FBN3: variants seen among roughly 807,000 people sequenced by gnomAD.
FBN3 encodes fibrillin-3.
Under a neutral mutation model 330.1 loss-of-function variants are expected in FBN3, and 234 were observed. The observed-to-expected ratio is 0.71, with a 90% CI of 0.64 to 0.79. The LOEUF (loss-of-function observed/expected upper bound fraction) is 0.79, where lower values mean the gene tolerates loss of function less well. Ranked by LOEUF, FBN3 falls within the 30% of genes least tolerant of loss-of-function variation. The pLI is 0.00. For missense variants in FBN3, 3,606 were observed against 3,886.9 expected (o/e 0.93, Z 1.92); for synonymous variants, 1,458 against 1,517.3 (o/e 0.96, Z 0.91).
intron 57 of FBN3, among the ~76,000 whole-genome samples, chr19:8,082,251 G>T (rs185344342): frequency 6.6e-6 from 1 of 151,812 alleles, no homozygotes; most frequent in Non-Finnish European, 1.5e-5. Flanking sequence ...GATTACAGGC[G>T]TGAGCCACCT....
rs534445123 is a variant in FBN3 at position 8,131,793 on chromosome 19, T to C, written c.1751A>G (p.Asn584Ser). Residue 584 changes from asparagine (N) to serine (S), a missense_variant, in exon 15 of 64, where the codon AAC (asparagine) becomes AGC (serine). By Grantham distance (46) the Asn-to-Ser change is conservative (BLOSUM62 1). Transcript: ENST00000600128. This position sits in a 1 kb window ranked among gnomAD's most constrained non-coding sequence, Gnocchi z 4.5. Reference sequence around the variant, plus strand: ...GCCCTCGGTGTTGGTACAGTGGCCGTTCACGCAGATGCCGGGCGTCTGGCA... The same window carrying C: ...GCCCTCGGTGTTGGTACAGTGGCCGCTCACGCAGATGCCGGGCGTCTGGCA... ...DECQTPGICV[N>S]GHCTNTEGSF... 6.2e-7 allele frequency: 1 copy of C among 1,606,402 alleles called. No homozygotes were observed. The highest frequency in any genetic ancestry group is 1.7e-5 in the Admixed American group (1 of 59,710).
chr19:8,135,936 G>GGGGGGGGGGGGGGGGGGGGGGGCCCCCCC, intron 13 of FBN3, 25 bp downstream of exon 13: 4 of 668,774 alleles, frequency 6.0e-6, no homozygotes, highest in Non-Finnish European at 9.6e-6. Flanking sequence ...GGAAGCCCCT[G>GGGGGGGGGGGGGGGGGGGGGGGCCCCCCC]CCCACCCGCC....
intron 18 of FBN3, among the ~76,000 whole-genome samples, chr19:8,128,457 G>A (rs2083046764): frequency 6.6e-6 from 1 of 151,986 alleles, no homozygotes; most frequent in Non-Finnish European, 1.5e-5. Context: ...CCAGCTACTT[G>A]GGAGGCTGAG....
chr19:8,082,578 C>T (rs2081829031), intron 57 of FBN3, among the ~76,000 whole-genome samples: 1 of 151,846 alleles, frequency 6.6e-6, no homozygotes, highest in African/African-American at 2.4e-5. Flanking sequence ...ACTACAACCT[C>T]CACTTCCTGG....
At position 8,085,332 on chromosome 19, in the gene FBN3, C is replaced by A. The variant is rs890954274; in HGVS notation, c.7087+31G>T. 4 of 1,542,474 alleles carry A rather than the reference C, an allele frequency of 2.6e-6. No individual in the cohort carries two copies. In the African/African-American group the frequency reaches 5.5e-5, roughly 21 times the overall value. ...GAGCAAACTCCCCCGTTTCTTGCCT[C>A]CCTGGGGGTCCTGAGGGCATGGGCA... On this transcript the variant is annotated intron_variant, in intron 56 of 63. Transcript: ENST00000600128.
At position 8,131,760 on chromosome 19, in the gene FBN3, C is replaced by T. The variant is rs199628711; in HGVS notation, c.1784G>A (p.Arg595His). The change falls in exon 15 of 64, where the codon CGC becomes CAC. Residue 595 changes from arginine (R) to histidine (H), a missense_variant. Coordinates refer to ENST00000600128, the MANE Select transcript of FBN3 (RefSeq NM_032447.5). This position sits in a 1 kb window ranked among gnomAD's most constrained non-coding sequence, Gnocchi z 4.5. ...GHCTNTEGSFRCQCLGGLAVG... is the reference protein window; with the variant it reads ...GHCTNTEGSFHCQCLGGLAVG... ...CGCCAGCCCCCCCAGGCACTGGCAG[C>T]GGAAGGAGCCCTCGGTGTTGGTACA... 1,242 of 1,612,894 alleles carry T rather than the reference C, an allele frequency of 7.7e-4. 2 individuals are homozygous for T. Among genetic ancestry groups the T allele is most frequent in the Non-Finnish European group, 1.0e-3 (1,179 of 1,179,552 alleles).
At position 8,131,587 on chromosome 19, in the gene FBN3, C is replaced by A; in HGVS notation, c.1957G>T (p.Glu653Ter). ...TTGGCAGGACAAAGCTGGCAGGGCT[C>A]CCCAAAACCGTGGTCCGGATTGGCA... is the stretch of plus-strand genomic sequence containing the variant. The part of the protein sequence containing the change: ...CCANPDHGFG[E>*]PCQLCPAKDS... Residue 653 changes from glutamate (E) to a stop codon, truncating the protein, a stop_gained, in exon 15 of 64, where the codon GAG (glutamate) becomes TAG (stop). Coordinates refer to ENST00000600128, the MANE Select transcript of FBN3 (RefSeq NM_032447.5). LOFTEE classifies it high-confidence loss of function. This position sits in a 1 kb window ranked among gnomAD's most constrained non-coding sequence, Gnocchi z 4.5. 6.2e-7 allele frequency: 1 copy of A among 1,612,798 alleles called. No homozygotes were observed. Among genetic ancestry groups the A allele is most frequent in the Non-Finnish European group, 8.5e-7 (1 of 1,179,146 alleles).
At chr19:8,080,778 C>T (rs1309066846) in intron 59 of FBN3, among the ~76,000 whole-genome samples, 3 of 152,098 alleles carry the variant, frequency 2.0e-5, no homozygotes, top group African/African-American at 7.2e-5. Flanking sequence ...TGCCACCATG[C>T]CAGGCTAATT....
Position 8,121,164 on chromosome 19 carries a change from A to C in FBN3, c.3211+94T>G, listed in dbSNP as rs887390274. 87 of 1,226,482 alleles carry C rather than the reference A, an allele frequency of 7.1e-5. No homozygotes were observed. The highest frequency in any genetic ancestry group is 3.5e-4 in the Admixed American group (15 of 43,148). 76.0% of individuals were successfully genotyped at this position (1,226,482 alleles called of 1,614,324 possible). A position where few individuals can be genotyped will look rare whatever the true frequency, so the allele number is the denominator to read the frequency against. On this transcript the variant is annotated intron_variant, in intron 25 of 63. Coordinates refer to ENST00000600128, the MANE Select transcript of FBN3 (RefSeq NM_032447.5). The surrounding 1 kb of genome is among the most constrained non-coding windows in gnomAD (Gnocchi z 4.5). ...CTCCCTCCTCCTGCCCCCTCCATCC[A>C]CGTCCACACAGCAACAGCCGTCCCC...
chr19:8,109,661 C>G lies in FBN3; in HGVS notation c.4426G>C (p.Glu1476Gln). 5 of 1,586,642 alleles carry G rather than the reference C, an allele frequency of 3.2e-6. No homozygotes were observed. The highest frequency in any genetic ancestry group is 4.3e-6 in the Non-Finnish European group (5 of 1,167,064). The change falls in exon 35 of 64, where the codon GAG becomes CAG. Residue 1476 changes from glutamate (E) to glutamine (Q), a missense_variant. Coordinates refer to ENST00000600128, the MANE Select transcript of FBN3 (RefSeq NM_032447.5). The surrounding 1 kb of genome is among the most constrained non-coding windows in gnomAD (Gnocchi z 5.2). ...CAGCCCACTCCGCTGGGGTTCAGCT[C>G]AAAATCCTGGGGGCAGCTGCAGAGG... ...SYLCSCPQDF[E>Q]LNPSGVGCVD...
intron 6 of FBN3, among the ~76,000 whole-genome samples, chr19:8,143,819 C>CTT (rs1225164430): frequency 1.7e-5 from 2 of 117,628 alleles, no homozygotes; most frequent in East Asian, 2.4e-4. Flanking sequence ...TTCTTTCTTT[C>CTT]TTTTTTTTTT....
chr19:8,108,365 A>C, intron 36 of FBN3, 127 bp from the exon 37 acceptor site: 1 of 682,028 alleles, frequency 1.5e-6, no homozygotes, highest in Non-Finnish European at 2.5e-6. Context: ...TGTACTAACG[A>C]CATCCCCATA....
intron 51 of FBN3, 97 bp from the exon 52 acceptor site, chr19:8,088,276 G>C (rs887512354): frequency 2.8e-6 from 4 of 1,435,638 alleles, no homozygotes; most frequent in Non-Finnish European, 3.7e-6. Flanking sequence ...AGATCGGAGG[G>C]GGCCAGATCG....
chr19:8,110,534 T>C (rs895692690), intron 34 of FBN3, among the ~76,000 whole-genome samples: 12 of 152,218 alleles, frequency 7.9e-5, no homozygotes, highest in African/African-American at 1.9e-4. Context: ...AGTTGAATCA[T>C]TGTGACAGAG....
chr19:8,099,434 C>T (rs954813650), intron 41 of FBN3, among the ~76,000 whole-genome samples: 9 of 151,578 alleles, frequency 5.9e-5, no homozygotes, highest in Non-Finnish European at 1.0e-4. Flanking sequence ...GCGCCCGCCA[C>T]CACGCCCGGC....
chr19:8,141,365 CAAAA>C (rs56688351), intron 8 of FBN3, among the ~76,000 whole-genome samples: 6 of 78,968 alleles, frequency 7.6e-5, no homozygotes, highest in East Asian at 4.1e-4. Flanking sequence ...GACTCTGTCT[CAAAA>C]AAAAAAAAAA....
In FBN3 at chr19:8,102,705, G is replaced by A; in HGVS notation, c.5089+19C>T. 6.2e-7 allele frequency: 1 copy of A among 1,605,844 alleles called. No homozygotes were observed. The highest frequency in any genetic ancestry group is 8.5e-7 in the Non-Finnish European group (1 of 1,173,812). Reference sequence around the variant, plus strand: ...TAGGAGGGGCCAGGCTGGGAAGAAGGTTGGGGAGGGTTACTCACGACTGAT... The same window carrying A: ...TAGGAGGGGCCAGGCTGGGAAGAAGATTGGGGAGGGTTACTCACGACTGAT... On this transcript the variant is annotated intron_variant, in intron 40 of 63. Transcript: ENST00000600128.
chr19:8,085,640 T>C lies in FBN3; in HGVS notation c.6881-71A>G, dbSNP rs369634453. 5.6e-6 allele frequency: 7 copies of C among 1,247,158 alleles called. No individual in the cohort carries two copies. In the East Asian group the frequency reaches 8.0e-5, roughly 14 times the overall value. 77.3% of individuals were successfully genotyped at this position (1,247,158 alleles called of 1,614,324 possible). ...TTTGGGGGCAAAGACTGAGCTTGCT[T>C]TGGGGCAAGCTGTATTTTGGGGGTG... On this transcript the variant is annotated intron_variant, in intron 55 of 63. Transcript: ENST00000600128.
chr19:8,147,043 C>A, intron 3 of FBN3, 61 bp downstream of exon 3: 1 of 1,436,844 alleles, frequency 7.0e-7, no homozygotes, highest in Non-Finnish European at 9.5e-7. Flanking sequence ...GCTGAACCTG[C>A]AGGCAGGTAA....
Sources: gnomAD v4.1 joint callset for allele counts (sites outside exome capture counted in the v4.1 genomes callset) on GRCh38, gnomAD v4.1.1 for gene constraint, Gnocchi (gnomAD v3.1) non-coding constraint, MANE v1.5 for transcripts, NCBI Gene and HGNC (gene_info 2026-07-23, HGNC 2026-07-21) for gene names.